The following FAM53A variants were observed in gnomAD, a reference collection of about 807,000 sequenced individuals.
FAM53A encodes protein FAM53A.
Under a neutral mutation model 26.6 loss-of-function variants are expected in FAM53A, and 28 were observed. That is an observed-to-expected ratio of 1.05 (90% CI 0.78 to 1.45). The LOEUF is 1.45. FAM53A is among the 40% of genes most tolerant of loss of function. The pLI is 0.00. For missense variants in FAM53A, 650 were observed against 575.8 expected, an observed-to-expected ratio of 1.13 and a Z score of -1.32; for synonymous variants, 290 against 253.1, an observed-to-expected ratio of 1.15 and a Z score of -1.38.
chr4:1,606,139 C>T, the FAM53A span, among the ~76,000 whole-genome samples: 1 of 151,414 alleles, frequency 6.6e-6, no homozygotes, highest in Non-Finnish European at 1.5e-5. Flanking sequence ...CCCGGGTTCA[C>T]GCCATTCTCC....
At chr4:1,681,959 C>T (rs866217315) in intron 1 of FAM53A, among the ~76,000 whole-genome samples, 1 of 152,170 alleles carries the variant, frequency 6.6e-6, no homozygotes, top group African/African-American at 2.4e-5. Context: ...CTGCACAAAG[C>T]CCCGGGTTCA....
At chr4:1,595,419 C>G in the FAM53A span, among the ~76,000 whole-genome samples, 1 of 152,192 alleles carries the variant, frequency 6.6e-6, no homozygotes, top group East Asian at 1.9e-4. Flanking sequence ...CATGCAGAGG[C>G]TGGGGGTCCA....
At chr4:1,671,032 G>C (rs1385101054) in intron 1 of FAM53A, among the ~76,000 whole-genome samples, 1 of 142,060 alleles carries the variant, frequency 7.0e-6, no homozygotes, top group African/African-American at 2.7e-5. Context: ...GCCACGGCCC[G>C]GACTCACCTC....
intron 1 of FAM53A, among the ~76,000 whole-genome samples, chr4:1,674,791 A>C (rs1714922717): frequency 6.6e-6 from 1 of 152,166 alleles, no homozygotes; most frequent in African/African-American, 2.4e-5. Flanking sequence ...CCACACACAC[A>C]ATGTCAGGCC....
chr4:1,668,586 C>T, intron 2 of FAM53A, 81 bp downstream of exon 2: 3 of 1,541,724 alleles, frequency 1.9e-6, no homozygotes, highest in South Asian at 2.3e-5. Context: ...TTAGCCCTCA[C>T]CTCCACCTCC....
At chr4:1,582,265 CT>C in the FAM53A span, among the ~76,000 whole-genome samples, 1 of 152,232 alleles carries the variant, frequency 6.6e-6, no homozygotes, top group African/African-American at 2.4e-5. Context: ...GCTCTGTGAC[CT>C]ATACTCCAGC....
chr4:1,653,291 C>A lies in FAM53A; in HGVS notation c.882+1687G>T, dbSNP rs77978004. On this transcript the variant is annotated intron_variant, in intron 4 of 4. Coordinates refer to ENST00000308132, the MANE Select transcript of FAM53A (RefSeq NM_001174070.3). ...CACACCTCACACTCTACCGGGGGTACCCCATGTCCACACTGAGCCCCATGC... is the reference window on the plus strand; with the variant it reads ...CACACCTCACACTCTACCGGGGGTAACCCATGTCCACACTGAGCCCCATGC... Among the ~76,000 whole-genome samples the A allele has an allele frequency of 1.8e-4, 27 of 151,516 alleles. No individual in the cohort carries two copies. In the East Asian group the frequency reaches 4.6e-3, roughly 26 times the overall value.
chr4:1,599,706 A>G, the FAM53A span, among the ~76,000 whole-genome samples: 18 of 150,244 alleles, frequency 1.2e-4, no homozygotes, highest in Non-Finnish European at 5.9e-5. This position sits in a 1 kb window ranked among gnomAD's most constrained non-coding sequence, Gnocchi z 6.1. Flanking sequence ...CACAACACAC[A>G]CATACATACC....
chr4:1,574,104 G>C, the FAM53A span: 3 of 153,076 alleles, frequency 2.0e-5, no homozygotes, highest in East Asian at 3.9e-4. Context: ...GATTTACAGA[G>C]TAGTGCAAAG....
upstream of FAM53A, among the ~76,000 whole-genome samples, chr4:1,684,520 G>GGCCCCGCCCCCGGATCGAC (rs1351269312): frequency 3.1e-3 from 472 of 151,346 alleles, 5 homozygotes; most frequent in Middle Eastern, 0.031. Flanking sequence ...GCGAGGGTCT[G>GGCCCCGCCCCCGGATCGAC]GCCCCGCCCC....
intron 2 of FAM53A, among the ~76,000 whole-genome samples, chr4:1,665,487 CAAAAAAA>C (rs202247352): frequency 2.0e-5 from 2 of 101,880 alleles, no homozygotes; most frequent in Admixed American, 1.0e-4. Context: ...GACTCCATCT[CAAAAAAA>C]AAAAAAAAGT....
chr4:1,596,972 C>T, the FAM53A span, among the ~76,000 whole-genome samples: 135 of 152,286 alleles, frequency 8.9e-4, no homozygotes, highest in Non-Finnish European at 1.5e-3. Flanking sequence ...GGCAGCTCCG[C>T]ACCCTCCTCG....
the FAM53A span, among the ~76,000 whole-genome samples, chr4:1,604,108 C>T: frequency 6.6e-6 from 1 of 152,196 alleles, no homozygotes; most frequent in Admixed American, 6.5e-5. Context: ...CCCCTGCTGC[C>T]CCCAACTCTA....
chr4:1,668,555 G>GC (rs1217542617), intron 2 of FAM53A, 112 bp downstream of exon 2: 16 of 1,224,688 alleles, frequency 1.3e-5, no homozygotes, highest in Non-Finnish European at 1.7e-5. Flanking sequence ...GCCCAGCAGG[G>GC]CCCCCCAGGC....
intron 1 of FAM53A, among the ~76,000 whole-genome samples, chr4:1,681,259 G>A (rs1021148019): frequency 6.6e-6 from 1 of 152,122 alleles, no homozygotes; most frequent in Non-Finnish European, 1.5e-5. Flanking sequence ...ACCACATCCA[G>A]CTATTTTTTG....
At chr4:1,618,100 C>A in exon 2 of FAM53A, 1 of 456,356 alleles carries the variant, frequency 2.2e-6, no homozygotes, top group Non-Finnish European at 4.4e-6. Context: ...GTGAAACAGT[C>A]CGTGAGGCAA....
chr4:1,659,336 C>A lies in FAM53A; in HGVS notation c.76-1868G>T, dbSNP rs1183463958. ...TGCTGTCGATCCTCCCAGCCCCGGG[C>A]CTCCCCGCAGCAAGCACCAGGACCT... On this transcript the variant is annotated intron_variant, in intron 2 of 4. Coordinates refer to ENST00000308132, the MANE Select transcript of FAM53A (RefSeq NM_001174070.3). This position sits in a 1 kb window ranked among gnomAD's most constrained non-coding sequence, Gnocchi z 5.2. Among the ~76,000 whole-genome samples the A allele has an allele frequency of 6.6e-6, 1 of 152,234 alleles. No homozygotes were observed. Among genetic ancestry groups the A allele is most frequent in the Non-Finnish European group, 1.5e-5 (1 of 68,036 alleles).
At chr4:1,682,508 G>T (rs997433567) in intron 1 of FAM53A, among the ~76,000 whole-genome samples, 2 of 151,982 alleles carry the variant, frequency 1.3e-5, no homozygotes, top group African/African-American at 4.8e-5. Context: ...TGATCTGCCC[G>T]CCTCGGCCTC....
chr4:1,604,597 C>G, the FAM53A span, among the ~76,000 whole-genome samples: 1 of 152,086 alleles, frequency 6.6e-6, no homozygotes, highest in South Asian at 2.1e-4. Context: ...CTCCCTCTCT[C>G]CAACAAGTGC....
Sources: allele counts gnomAD v4.1 joint callset (sites outside exome capture counted in the v4.1 genomes callset), GRCh38; gene constraint gnomAD v4.1.1; non-coding constraint Gnocchi (gnomAD v3.1); transcripts MANE v1.5; gene names NCBI Gene and HGNC (gene_info 2026-07-23, HGNC 2026-07-21).